Variants in PCDHA1 observed in about 807,000 individuals in gnomAD.
The protein encoded by PCDHA1 is protocadherin alpha-1.
In PCDHA1, 42 loss-of-function variants were observed where a neutral mutation model predicts 61.3. The observed-to-expected ratio is 0.69, with a 90% confidence interval of 0.54 to 0.89. The LOEUF (loss-of-function observed/expected upper bound fraction) is 0.89, where lower values mean the gene tolerates loss of function less well. PCDHA1 is among the 40% of genes least tolerant of loss of function. The pLI is 0.00. For synonymous variants in PCDHA1, 610 were observed against 553.8 expected (o/e 1.10, Z -1.43); for missense variants, 1,256 against 1,235.3 (o/e 1.02, Z -0.25).
chr5:140,823,969 A>C (rs1767949637), intron 1 of PCDHA1: 1 of 1,613,902 alleles, frequency 6.2e-7, no homozygotes, highest in Non-Finnish European at 8.5e-7. Flanking sequence ...GGCCGTGTGC[A>C]CACGGGGCAA....
At chr5:140,808,831 C>T in intron 1 of PCDHA1, 2 of 1,612,932 alleles carry the variant, frequency 1.2e-6, no homozygotes, top group Non-Finnish European at 1.7e-6. Context: ...TGGGCAGCAA[C>T]GTGACGCTGC....
chr5:140,917,336 G>C (rs1183036523), intron 1 of PCDHA1, among the ~76,000 whole-genome samples: 1 of 144,856 alleles, frequency 6.9e-6, no homozygotes, highest in Non-Finnish European at 1.5e-5. Context: ...GGGGAGGGGG[G>C]GGATGGTGTA....
At chr5:140,850,549 G>A in intron 1 of PCDHA1, 2 of 1,598,360 alleles carry the variant, frequency 1.3e-6, no homozygotes, top group Non-Finnish European at 1.7e-6. Flanking sequence ...GCGTCAGTGG[G>A]TGCCACGGGC....
At chr5:140,909,812 A>T (rs1353892202) in intron 1 of PCDHA1, among the ~76,000 whole-genome samples, 1 of 151,982 alleles carries the variant, frequency 6.6e-6, no homozygotes, top group Non-Finnish European at 1.5e-5. Context: ...AAAACTCCAT[A>T]AGCCCCTACT....
chr5:140,877,326 G>T (rs781931363), intron 1 of PCDHA1: 1 of 1,613,964 alleles, frequency 6.2e-7, no homozygotes, highest in East Asian at 2.2e-5. Flanking sequence ...CGGTCGGCGC[G>T]CACATCCCGT....
At chr5:140,826,765 G>A (rs186327192) in intron 1 of PCDHA1, among the ~76,000 whole-genome samples, 1 of 152,174 alleles carries the variant, frequency 6.6e-6, no homozygotes, top group African/African-American at 2.4e-5. Flanking sequence ...TCATATTGGA[G>A]AGTAATTGAA....
chr5:140,819,370 A>T (rs2150104034), intron 1 of PCDHA1, among the ~76,000 whole-genome samples: 1 of 152,290 alleles, frequency 6.6e-6, no homozygotes, highest in East Asian at 1.9e-4. Context: ...TTCTTGTGTT[A>T]GTATATTTCT....
intron 1 of PCDHA1, chr5:140,825,364 A>G (rs1554130202): frequency 6.8e-6 from 1 of 147,296 alleles, no homozygotes; most frequent in Non-Finnish European, 1.5e-5. Context: ...TATTAGATAT[A>G]TAAATATCTA....
At chr5:140,869,775 C>A (rs2051402857) in intron 1 of PCDHA1, 5 of 1,612,980 alleles carry the variant, frequency 3.1e-6, no homozygotes, top group Non-Finnish European at 4.2e-6. Flanking sequence ...AGCTTACTGG[C>A]ACCGTTCGGC....
chr5:140,856,721 G>A (rs1043107454), intron 1 of PCDHA1: 7 of 1,596,646 alleles, frequency 4.4e-6, no homozygotes, highest in South Asian at 1.1e-5. Context: ...TACCGGATCT[G>A]TTTCTCTGCT....
intron 1 of PCDHA1, chr5:140,857,754 C>T: frequency 6.3e-7 from 1 of 1,597,392 alleles, no homozygotes; most frequent in Non-Finnish European, 8.6e-7. Flanking sequence ...GCGTCTCCCG[C>T]TGGCAGCGCG....
chr5:140,968,029 G>A, intron 1 of PCDHA1: 1 of 1,614,170 alleles, frequency 6.2e-7, no homozygotes, highest in Non-Finnish European at 8.5e-7. Context: ...CCTATACACT[G>A]GTGGTGAGCG....
At chr5:140,884,128 C>A (rs1554181251) in intron 1 of PCDHA1, 1 of 1,613,308 alleles carries the variant, frequency 6.2e-7, no homozygotes, top group Non-Finnish European at 8.5e-7. Flanking sequence ...GCGCGCGCAT[C>A]CCGTTCCGCG....
chr5:140,987,898 A>T (rs1394668777), intron 3 of PCDHA1, among the ~76,000 whole-genome samples: 1 of 152,092 alleles, frequency 6.6e-6, no homozygotes, highest in Non-Finnish European at 1.5e-5. Context: ...CCCTAGTTTT[A>T]TATGGGGATT....
At chr5:140,952,111 G>A (rs1040553968) in intron 1 of PCDHA1, among the ~76,000 whole-genome samples, 1 of 152,086 alleles carries the variant, frequency 6.6e-6, no homozygotes, top group Non-Finnish European at 1.5e-5. Context: ...ACTCGTGTGA[G>A]GGATGGGCTC....
intron 1 of PCDHA1, chr5:140,817,417 A>T (rs1766134744): frequency 6.6e-6 from 1 of 152,228 alleles, no homozygotes; most frequent in South Asian, 2.1e-4. Context: ...TTGAGTTGGT[A>T]TACCTGTGGA....
chr5:140,929,697 T>G (rs2086305900), intron 1 of PCDHA1: 1 of 266,272 alleles, frequency 3.8e-6, no homozygotes, highest in African/African-American at 2.2e-5. Flanking sequence ...CTGCTTTATA[T>G]GAATATAATA....
intron 1 of PCDHA1, chr5:140,795,622 C>A: frequency 2.5e-6 from 4 of 1,614,172 alleles, no homozygotes; most frequent in South Asian, 1.1e-5. Flanking sequence ...TGGGGGCAAA[C>A]CTGAGCTCAC....
At chr5:140,944,694 T>C (rs2093685448) in intron 1 of PCDHA1, among the ~76,000 whole-genome samples, 1 of 152,190 alleles carries the variant, frequency 6.6e-6, no homozygotes, top group African/African-American at 2.4e-5. Context: ...TTAATAACAG[T>C]AATTATCAGG....
Sources: gnomAD v4.1 joint callset for allele counts (sites outside exome capture counted in the v4.1 genomes callset) on GRCh38, gnomAD v4.1.1 for gene constraint, MANE v1.5 for transcripts, NCBI Gene and HGNC (gene_info 2026-07-23, HGNC 2026-07-21) for gene names.